The following ADAM12 variants were observed in gnomAD, a reference collection of about 807,000 sequenced individuals.
ADAM12 encodes ADAM metallopeptidase domain 12.
ADAM12 carries 70 observed loss-of-function variants against 106.4 expected under a neutral mutation model. That is an observed-to-expected ratio of 0.66 (90% CI 0.54 to 0.80). The LOEUF (loss-of-function observed/expected upper bound fraction) is 0.80. Ranked by LOEUF, ADAM12 falls within the 30% of genes least tolerant of loss-of-function variation. The pLI is 0.00. For missense variants in ADAM12, 1,010 were observed against 1,171.9 expected, an observed-to-expected ratio of 0.86 and a Z score of 2.02; for synonymous variants, 420 against 433.5, an observed-to-expected ratio of 0.97 and a Z score of 0.39.
chr10:126,178,119 G>C (rs1341007056), intron 3 of ADAM12, among the ~76,000 whole-genome samples: 1 of 151,928 alleles, frequency 6.6e-6, no homozygotes. Flanking sequence ...ATCTACATTA[G>C]ACAAAGTCAA....
At chr10:126,257,706 C>T (rs1958921049) in intron 3 of ADAM12, among the ~76,000 whole-genome samples, 1 of 152,032 alleles carries the variant, frequency 6.6e-6, no homozygotes, top group Admixed American at 6.6e-5. Context: ...TGGAGATGGG[C>T]AAGGAAATAT....
At chr10:126,026,803 C>T (rs1289396370) in intron 21 of ADAM12, among the ~76,000 whole-genome samples, 3 of 152,138 alleles carry the variant, frequency 2.0e-5, no homozygotes, top group Non-Finnish European at 4.4e-5. Flanking sequence ...TAAATGCCCA[C>T]ATCAAAAAGC....
Position 126,121,190 on chromosome 10 carries a change from C to CTA in ADAM12, c.417-2968_417-2967dup, listed in dbSNP as rs1266107657. On this transcript the variant is annotated intron_variant, in intron 5 of 22. Coordinates refer to ENST00000448723, the MANE Select transcript of ADAM12 (RefSeq NM_001288973.2). ...CTATATATACTATATACACTATATA[C>CTA]TATATATATACTATATACTATATAT... is the stretch of plus-strand genomic sequence containing the variant. Among the ~76,000 whole-genome samples, 4 of 60,234 alleles carry CTA rather than the reference C, an allele frequency of 6.6e-5. No homozygotes were observed. In the South Asian group the frequency reaches 1.8e-3, roughly 27 times the overall value. 39.5% of individuals were successfully genotyped at this position (60,234 alleles called of 152,430 possible).
chr10:126,161,610 C>T (rs1207860732), intron 3 of ADAM12, among the ~76,000 whole-genome samples: 2 of 152,222 alleles, frequency 1.3e-5, no homozygotes, highest in African/African-American at 4.8e-5. Context: ...GCTTTCTGCT[C>T]CTTCCTGGGT....
In ADAM12 at chr10:126,162,101, G is replaced by T. The variant is rs190683681; in HGVS notation, c.261-6796C>A. Among the ~76,000 whole-genome samples the T allele has an allele frequency of 5.0e-3, 759 of 152,294 alleles. 6 individuals are homozygous for T. The highest frequency in any genetic ancestry group is 0.018 in the African/African-American group (731 of 41,552). ...CTAGCATGCTGCACAATGGGAATAA[G>T]ATGCTCCAGGAGGCCCCACTGCTGA... is the stretch of plus-strand genomic sequence containing the variant. On this transcript the variant is annotated intron_variant, in intron 3 of 22. Coordinates refer to ENST00000448723, the MANE Select transcript of ADAM12 (RefSeq NM_001288973.2).
At chr10:126,227,712 G>A (rs1399084866) in intron 3 of ADAM12, among the ~76,000 whole-genome samples, 2 of 152,210 alleles carry the variant, frequency 1.3e-5, no homozygotes, top group Non-Finnish European at 2.9e-5. Context: ...CTGCTTTGGA[G>A]AGAGTACCCC....
chr10:126,257,376 T>C (rs547705401), intron 3 of ADAM12, among the ~76,000 whole-genome samples: 19 of 152,202 alleles, frequency 1.2e-4, no homozygotes, highest in Non-Finnish European at 2.6e-4. Context: ...GATGGCCTCT[T>C]CGCTGCTGAG....
chr10:126,275,580 C>T (rs7072808), intron 3 of ADAM12, among the ~76,000 whole-genome samples: 22,039 of 152,070 alleles, frequency 0.14, 1,725 homozygotes, highest in African/African-American at 0.19. Context: ...AGACTGGGAC[C>T]GCTTTAATTT....
intron 1 of ADAM12, among the ~76,000 whole-genome samples, chr10:126,369,600 T>A (rs1856040743): frequency 6.6e-6 from 1 of 152,058 alleles, no homozygotes; most frequent in African/African-American, 2.4e-5. Flanking sequence ...TAAAAGGACA[T>A]GAAACAGCTA....
chr10:126,042,195 G>T, intron 18 of ADAM12: 1 of 1,613,800 alleles, frequency 6.2e-7, no homozygotes, highest in Non-Finnish European at 8.5e-7. Flanking sequence ...CCTGGCCCTG[G>T]CCGCGCTCCC....
intron 8 of ADAM12, among the ~76,000 whole-genome samples, chr10:126,107,013 C>T (rs1312349489): frequency 6.6e-6 from 1 of 152,204 alleles, no homozygotes; most frequent in African/African-American, 2.4e-5. Flanking sequence ...TCCTCCTGCC[C>T]TAGCTCTGCA....
chr10:126,287,566 C>T (rs572661952), intron 2 of ADAM12, among the ~76,000 whole-genome samples: 68 of 152,168 alleles, frequency 4.5e-4, no homozygotes, highest in South Asian at 3.3e-3. Context: ...AACAAAACCA[C>T]GGCCTTCACG....
At chr10:126,085,355 A>G (rs947057339) in intron 11 of ADAM12, among the ~76,000 whole-genome samples, 19 of 152,198 alleles carry the variant, frequency 1.2e-4, no homozygotes, top group Non-Finnish European at 1.8e-4. Flanking sequence ...TTTAGTACAA[A>G]AGACAGTGGC....
chr10:126,326,267 AACTGGAGGTTGAAC>A (rs900914180), intron 2 of ADAM12, among the ~76,000 whole-genome samples: 29 of 152,094 alleles, frequency 1.9e-4, no homozygotes, highest in African/African-American at 7.0e-4. Flanking sequence ...AACTCTCAAC[AACTGGAGGTTGAAC>A]ACTGTTATTT....
chr10:126,152,555 C>T (rs1956746621), intron 4 of ADAM12, among the ~76,000 whole-genome samples: 2 of 151,574 alleles, frequency 1.3e-5, no homozygotes, highest in South Asian at 2.1e-4. Context: ...ACCACTACAG[C>T]AGCTTTTTTT....
At chr10:126,052,402 C>A (rs936990873) in intron 14 of ADAM12, among the ~76,000 whole-genome samples, 2 of 152,224 alleles carry the variant, frequency 1.3e-5, no homozygotes, top group African/African-American at 4.8e-5. Context: ...CCATTGCACG[C>A]AATGCTATTC....
intron 3 of ADAM12, among the ~76,000 whole-genome samples, chr10:126,239,389 A>G (rs939458796): frequency 4.6e-5 from 7 of 152,218 alleles, no homozygotes; most frequent in African/African-American, 1.4e-4. Flanking sequence ...ATGACATAAC[A>G]GTGAATTTTT....
At chr10:126,072,843 A>G (rs954803751) in intron 11 of ADAM12, among the ~76,000 whole-genome samples, 19 of 152,182 alleles carry the variant, frequency 1.2e-4, no homozygotes, top group South Asian at 2.1e-4. Context: ...CCCTCTCCCA[A>G]TGGAGACATT....
intron 2 of ADAM12, among the ~76,000 whole-genome samples, chr10:126,309,794 T>C (rs891130831): frequency 6.6e-6 from 1 of 152,116 alleles, no homozygotes; most frequent in East Asian, 1.9e-4. Context: ...AAGACAGTTG[T>C]AAATATGGAC....
Sources: gnomAD v4.1 joint callset for allele counts (sites outside exome capture counted in the v4.1 genomes callset) on GRCh38, gnomAD v4.1.1 for gene constraint, MANE v1.5 for transcripts, NCBI Gene and HGNC (gene_info 2026-07-23, HGNC 2026-07-21) for gene names.